DOCK3: variants seen among roughly 807,000 people sequenced by gnomAD.
DOCK3 encodes dedicator of cytokinesis 3.
DOCK3 carries 60 observed loss-of-function variants against 265.6 expected under a neutral mutation model. That is an observed-to-expected ratio of 0.23 (90% confidence interval 0.18 to 0.28). The LOEUF (loss-of-function observed/expected upper bound fraction) is 0.28, where lower values mean the gene tolerates loss of function less well. Among genes scored for constraint, DOCK3 ranks in the 10% least tolerant of loss-of-function variants. DOCK3 has a pLI of 1.00. For missense variants in DOCK3, 1,981 were observed against 2,594.3 expected (o/e 0.76, Z 5.14); for synonymous variants, 881 against 938.0 (o/e 0.94, Z 1.11).
intron 14 of DOCK3, among the ~76,000 whole-genome samples, chr3:51,217,094 G>C (rs900640444): frequency 1.3e-5 from 2 of 151,862 alleles, no homozygotes; most frequent in African/African-American, 4.8e-5. Flanking sequence ...CATAAACTGT[G>C]ATCCTTATTT....
rs180874526 is a variant in DOCK3 at position 50,901,964 on chromosome 3, T to C, written c.218+11883T>C. Among the ~76,000 whole-genome samples the C allele has an allele frequency of 5.9e-5, 9 of 152,306 alleles. No individual in the cohort carries two copies. The East Asian group carries it at 1.7e-3, about 29-fold the overall frequency. On this transcript the variant is annotated intron_variant, in intron 4 of 52. Coordinates refer to ENST00000266037, the MANE Select transcript of DOCK3 (RefSeq NM_004947.5). ...AAAGCAGCTATTCTTCTTGATTCTC[T>C]CTCTCCCACCACCCACCTGACAGGC... is the stretch of plus-strand genomic sequence containing the variant.
chr3:51,156,146 A>G (rs1163994537), intron 10 of DOCK3, among the ~76,000 whole-genome samples: 1 of 152,224 alleles, frequency 6.6e-6, no homozygotes, highest in Non-Finnish European at 1.5e-5. Context: ...CTTACGTATG[A>G]ATAAGCTGGT....
chr3:51,158,244 C>G (rs939893976), intron 10 of DOCK3, among the ~76,000 whole-genome samples: 6 of 152,116 alleles, frequency 3.9e-5, no homozygotes, highest in African/African-American at 1.2e-4. Context: ...ATGTTCTAAA[C>G]ACAAATAGAA....
rs11396615 is a variant in DOCK3, at chr3:51,237,472, A to AG, written c.2002-18_2002-17insG. 8 of 1,521,158 alleles carry AG rather than the reference A, an allele frequency of 5.3e-6. No homozygotes were observed. The highest frequency in any genetic ancestry group is 7.1e-6 in the Non-Finnish European group (8 of 1,123,432). 94.2% of individuals were successfully genotyped at this position (1,521,158 alleles called of 1,614,324 possible). A position where few individuals can be genotyped will look rare whatever the true frequency, so the allele number is the denominator to read the frequency against. ...GGCCTCCAGTGAACCCTGATGGCTT[A>AG]CTCTCCATATCTCCCAGGTGTTCAT... is the stretch of plus-strand genomic sequence containing the variant. On this transcript the variant is annotated splice_polypyrimidine_tract_variant and intron_variant, in intron 20 of 52. Transcript: ENST00000266037.
chr3:51,205,951 A>C (rs750650333), intron 12 of DOCK3, among the ~76,000 whole-genome samples: 24 of 152,360 alleles, frequency 1.6e-4, no homozygotes, highest in Middle Eastern at 3.4e-3. Context: ...GATTTCAAAC[A>C]ATCTTTCCTT....
At chr3:51,125,759 A>G (rs1314711352) in intron 9 of DOCK3, among the ~76,000 whole-genome samples, 1 of 152,246 alleles carries the variant, frequency 6.6e-6, no homozygotes, top group Non-Finnish European at 1.5e-5. Context: ...CAAACAGAGA[A>G]AAACTTGTAT....
intron 3 of DOCK3, among the ~76,000 whole-genome samples, chr3:50,858,250 G>A (rs934131163): frequency 6.6e-5 from 10 of 152,004 alleles, no homozygotes; most frequent in African/African-American, 1.9e-4. Context: ...GACACAGGAC[G>A]GGGAACATCA....
chr3:51,270,688 A>G (rs1310603772), intron 23 of DOCK3, 127 bp from the exon 24 acceptor site: 1 of 934,542 alleles, frequency 1.1e-6, no homozygotes. Flanking sequence ...GCCAGGGAGG[A>G]GCCCACCGAA....
intron 1 of DOCK3, among the ~76,000 whole-genome samples, chr3:50,683,845 C>CTG (rs2034589811): frequency 8.5e-6 from 1 of 117,848 alleles, no homozygotes; most frequent in African/African-American, 3.3e-5. Flanking sequence ...CTCCCCCCCC[C>CTG]CCACCCACTC....
intron 5 of DOCK3, among the ~76,000 whole-genome samples, chr3:51,037,620 C>T (rs2080318585): frequency 6.6e-6 from 1 of 152,158 alleles, no homozygotes. Context: ...AATTACCTCT[C>T]AGAGAACCTA....
At chr3:51,021,085 T>G (rs915363090) in intron 5 of DOCK3, among the ~76,000 whole-genome samples, 4 of 152,022 alleles carry the variant, frequency 2.6e-5, no homozygotes, top group Non-Finnish European at 5.9e-5. Context: ...ACGATATTGA[T>G]TCTTCCTATC....
At chr3:51,224,294 A>C (rs545667510) in intron 14 of DOCK3, among the ~76,000 whole-genome samples, 4 of 152,226 alleles carry the variant, frequency 2.6e-5, no homozygotes, top group Admixed American at 2.6e-4. Context: ...GCAAGATTGC[A>C]TACCTGGGAT....
intron 5 of DOCK3, among the ~76,000 whole-genome samples, chr3:50,956,980 C>T (rs960267164): frequency 5.9e-5 from 9 of 152,196 alleles, no homozygotes; most frequent in South Asian, 2.1e-4. Context: ...CTCATGCCTC[C>T]GCCTTCGCTC....
chr3:51,237,869 G>GT (rs2078418011), intron 21 of DOCK3, among the ~76,000 whole-genome samples: 1 of 151,894 alleles, frequency 6.6e-6, no homozygotes, highest in African/African-American at 2.4e-5. Flanking sequence ...CTGAAATATT[G>GT]TAATCATTAA....
At chr3:50,684,178 T>C (rs986049687) in intron 1 of DOCK3, among the ~76,000 whole-genome samples, 1 of 152,106 alleles carries the variant, frequency 6.6e-6, no homozygotes, top group African/African-American at 2.4e-5. Flanking sequence ...TAAATAAGCA[T>C]TGCTGCTTCT....
chr3:50,847,882 CAAAAAA>C (rs3043428), intron 3 of DOCK3, among the ~76,000 whole-genome samples: 7 of 97,618 alleles, frequency 7.2e-5, no homozygotes, highest in East Asian at 3.6e-4. Context: ...GGCTCCATTT[CAAAAAA>C]AAAAAAAAAA....
intron 27 of DOCK3, among the ~76,000 whole-genome samples, chr3:51,301,772 T>C (rs1043609249): frequency 6.6e-6 from 1 of 152,210 alleles, no homozygotes; most frequent in African/African-American, 2.4e-5. Flanking sequence ...TGAGTTCTAA[T>C]TGATAGCACT....
At chr3:50,818,936 A>G (rs891343676) in intron 2 of DOCK3, among the ~76,000 whole-genome samples, 19 of 152,212 alleles carry the variant, frequency 1.2e-4, no homozygotes, top group African/African-American at 4.8e-5. Flanking sequence ...CCTCTAAGCC[A>G]GGATTCTTCT....
At chr3:51,351,760 G>A (rs941350996) in intron 40 of DOCK3, among the ~76,000 whole-genome samples, 4 of 149,968 alleles carry the variant, frequency 2.7e-5, no homozygotes, top group African/African-American at 4.9e-5. Flanking sequence ...AGGTTCAAGC[G>A]ATTCTTCTAC....
Sources: allele counts gnomAD v4.1 joint callset (sites outside exome capture counted in the v4.1 genomes callset), GRCh38; gene constraint gnomAD v4.1.1; transcripts MANE v1.5; gene names NCBI Gene and HGNC (gene_info 2026-07-23, HGNC 2026-07-21).